BICDL1: variants seen among roughly 807,000 people sequenced by gnomAD.
The protein encoded by BICDL1 is BICD family-like cargo adapter 1.
In BICDL1, 20 loss-of-function variants were observed where a neutral mutation model predicts 76.8. That is an observed-to-expected ratio of 0.26 (90% CI 0.18 to 0.38). The LOEUF is 0.38. Ranked by LOEUF, BICDL1 falls within the 10% of genes least tolerant of loss-of-function variation. The pLI is 1.00. For synonymous variants in BICDL1, 383 were observed against 337.1 expected (o/e 1.14, Z -1.49); for missense variants, 700 against 798.6 (o/e 0.88, Z 1.49).
At chr12:120,066,232 C>T (rs1288999738) in intron 4 of BICDL1, among the ~76,000 whole-genome samples, 1 of 152,188 alleles carries the variant, frequency 6.6e-6, no homozygotes, top group Non-Finnish European at 1.5e-5. Context: ...TTACCTGTAG[C>T]TCAGTGATAA....
chr12:120,015,846 C>A (rs1952049722), intron 2 of BICDL1, among the ~76,000 whole-genome samples: 1 of 152,138 alleles, frequency 6.6e-6, no homozygotes, highest in Admixed American at 6.5e-5. Context: ...TGTAAGGAAC[C>A]CCCTTTTTAA....
At chr12:120,046,782 A>G (rs551344526) in intron 2 of BICDL1, among the ~76,000 whole-genome samples, 1 of 152,334 alleles carries the variant, frequency 6.6e-6, no homozygotes, top group African/African-American at 2.4e-5. Context: ...AGACTGAATC[A>G]AAATCTCCAA....
intron 2 of BICDL1, among the ~76,000 whole-genome samples, chr12:120,014,371 A>G (rs888626727): frequency 5.3e-5 from 8 of 152,142 alleles, no homozygotes; most frequent in African/African-American, 1.9e-4. Context: ...AGTAACATCT[A>G]TTTTGAAAAC....
intron 2 of BICDL1, among the ~76,000 whole-genome samples, chr12:120,004,793 C>G (rs1398376173): frequency 1.3e-5 from 2 of 152,142 alleles, no homozygotes; most frequent in Non-Finnish European, 2.9e-5. Flanking sequence ...AGTTTTGCCT[C>G]TATCCTAAGT....
intron 2 of BICDL1, among the ~76,000 whole-genome samples, chr12:120,028,029 A>G (rs920369598): frequency 7.2e-5 from 11 of 152,210 alleles, no homozygotes; most frequent in Admixed American, 6.5e-5. Flanking sequence ...CTGCATTACC[A>G]TACTGTTATG....
At chr12:120,008,974 G>A (rs966490808) in intron 2 of BICDL1, among the ~76,000 whole-genome samples, 2 of 134,192 alleles carry the variant, frequency 1.5e-5, no homozygotes, top group Non-Finnish European at 3.2e-5. Flanking sequence ...GTAGATTCTT[G>A]TATTGATTAG....
intron 2 of BICDL1, among the ~76,000 whole-genome samples, chr12:120,008,069 A>G (rs1951882071): frequency 6.6e-6 from 1 of 151,904 alleles, no homozygotes; most frequent in Non-Finnish European, 1.5e-5. Flanking sequence ...ACAGCTATTT[A>G]AATTTCCAAA....
At chr12:120,019,508 T>G (rs1952136331) in intron 2 of BICDL1, among the ~76,000 whole-genome samples, 1 of 152,170 alleles carries the variant, frequency 6.6e-6, no homozygotes, top group Admixed American at 6.5e-5. Flanking sequence ...AATAGAAAAT[T>G]TAATATTTTT....
At chr12:120,089,470 CCTT>C (rs1201639177) in intron 8 of BICDL1, among the ~76,000 whole-genome samples, 3 of 152,140 alleles carry the variant, frequency 2.0e-5, no homozygotes, top group Non-Finnish European at 2.9e-5. Context: ...ACTGCAACCT[CCTT>C]CTCCTGGGTT....
intron 8 of BICDL1, among the ~76,000 whole-genome samples, chr12:120,084,107 AT>A (rs2138998612): frequency 1.3e-5 from 2 of 152,018 alleles, no homozygotes; most frequent in South Asian, 4.2e-4. Context: ...GGTTCAAGCG[AT>A]TCTCATGCCT....
chr12:120,028,933 A>G (rs1471051579), intron 2 of BICDL1, among the ~76,000 whole-genome samples: 2 of 152,192 alleles, frequency 1.3e-5, no homozygotes, highest in African/African-American at 4.8e-5. Context: ...AAACCTAGCT[A>G]TTTAGGCAGA....
intron 2 of BICDL1, among the ~76,000 whole-genome samples, chr12:120,049,666 C>A (rs1391462676): frequency 6.6e-6 from 1 of 152,162 alleles, no homozygotes; most frequent in African/African-American, 2.4e-5. Flanking sequence ...ATTATCTCAT[C>A]AAGTATTGCC....
chr12:120,057,768 C>T (rs1157122226), intron 2 of BICDL1, among the ~76,000 whole-genome samples: 1 of 151,464 alleles, frequency 6.6e-6, no homozygotes, highest in Non-Finnish European at 1.5e-5. Context: ...CAGTACACAC[C>T]CTTGGAGCCT....
chr12:120,053,598 C>T (rs1952910690), intron 2 of BICDL1, among the ~76,000 whole-genome samples: 1 of 152,150 alleles, frequency 6.6e-6, no homozygotes, highest in Non-Finnish European at 1.5e-5. Context: ...TTTTCATGTG[C>T]CACCATCATT....
At position 120,094,229 on chromosome 12, in the gene BICDL1, G is replaced by A. The variant is rs879156632; in HGVS notation, c.*1068G>A. Reference sequence around the variant, plus strand: ...CCCCAACTCAGAGGCTCCGCGGCCCGGCCAGCCCTCAGCTGCTCACAACCG... The same window carrying A: ...CCCCAACTCAGAGGCTCCGCGGCCCAGCCAGCCCTCAGCTGCTCACAACCG... On this transcript the variant is annotated 3_prime_UTR_variant, in exon 10 of 10. Transcript: ENST00000548673. 43 of 456,520 alleles carry A rather than the reference G, an allele frequency of 9.4e-5. 1 individual carries two copies. The highest frequency in any genetic ancestry group is 1.8e-4 in the Non-Finnish European group (40 of 226,942). The allele number at this position is 456,520 out of a possible 1,614,324, so 28.3% of individuals were successfully genotyped here.
intron 8 of BICDL1, among the ~76,000 whole-genome samples, chr12:120,081,349 CTTT>C (rs1184204926): frequency 4.3e-5 from 5 of 116,952 alleles, no homozygotes; most frequent in Middle Eastern, 4.5e-3. Context: ...AAGAGCTTTC[CTTT>C]TTTTTTTTTT....
At chr12:120,029,886 A>T (rs967741953) in intron 2 of BICDL1, among the ~76,000 whole-genome samples, 1 of 152,150 alleles carries the variant, frequency 6.6e-6, no homozygotes, top group African/African-American at 2.4e-5. Flanking sequence ...ACCTCAGGTG[A>T]TCTGCTCGCC....
intron 2 of BICDL1, among the ~76,000 whole-genome samples, chr12:120,017,746 A>G (rs1323641987): frequency 6.6e-6 from 1 of 152,080 alleles, no homozygotes; most frequent in Non-Finnish European, 1.5e-5. Context: ...AAAAAAGAAA[A>G]TGTGTCAAGA....
At chr12:120,057,252 C>T (rs151086479) in intron 2 of BICDL1, 11 of 385,592 alleles carry the variant, frequency 2.9e-5, no homozygotes, top group Admixed American at 9.2e-5. Flanking sequence ...TGAGCTCAAG[C>T]GATCCTTCCA....
Sources: gnomAD v4.1 joint callset for allele counts (sites outside exome capture counted in the v4.1 genomes callset) on GRCh38, gnomAD v4.1.1 for gene constraint, MANE v1.5 for transcripts, NCBI Gene and HGNC (gene_info 2026-07-23, HGNC 2026-07-21) for gene names.